NMNAT1: variants seen among roughly 807,000 people sequenced by gnomAD.
The protein encoded by NMNAT1 is nicotinamide nucleotide adenylyltransferase 1, also known as nicotinamide/nicotinic acid mononucleotide adenylyltransferase 1.
NMNAT1 carries 11 observed loss-of-function variants against 16.7 expected under a neutral mutation model. The observed-to-expected ratio is 0.66, with a 90% CI of 0.41 to 1.09. NMNAT1 has a LOEUF of 1.09. NMNAT1 is among the 50% of genes least tolerant of loss of function. The pLI, the probability that NMNAT1 is intolerant of heterozygous loss-of-function variation, is 0.00. For synonymous variants in NMNAT1, 110 were observed against 119.8 expected (o/e 0.92, Z 0.53); for missense variants, 280 against 332.3 (o/e 0.84, Z 1.22).
chr1:9,944,215 T>C (rs1640906922), intron 1 of NMNAT1, among the ~76,000 whole-genome samples: 2 of 151,786 alleles, frequency 1.3e-5, no homozygotes, highest in Non-Finnish European at 2.9e-5. Context: ...GATCGCGCCA[T>C]TGCACTCCAG....
intron 1 of NMNAT1, among the ~76,000 whole-genome samples, chr1:9,948,505 C>T (rs540556394): frequency 1.2e-4 from 18 of 152,020 alleles, no homozygotes; most frequent in African/African-American, 3.4e-4. Context: ...GGCTTGAGTC[C>T]GGGAGGTGGA....
intron 3 of NMNAT1, among the ~76,000 whole-genome samples, chr1:9,979,660 G>T (rs1641892909): frequency 6.6e-6 from 1 of 151,656 alleles, no homozygotes; most frequent in South Asian, 2.1e-4. Flanking sequence ...AAATTAGCCG[G>T]GCGTGGTGGT....
At chr1:9,964,816 C>T (rs1253895150) in intron 1 of NMNAT1, among the ~76,000 whole-genome samples, 15 of 148,992 alleles carry the variant, frequency 1.0e-4, no homozygotes, top group South Asian at 4.3e-4. Flanking sequence ...AGCATGGTGA[C>T]GCACACCTGT....
chr1:9,975,794 A>C lies in NMNAT1; in HGVS notation c.299+19A>C, dbSNP rs919763857. 6.3e-7 allele frequency: 1 copy of C among 1,592,878 alleles called. No homozygotes were observed. Among genetic ancestry groups the C allele is most frequent in the Non-Finnish European group, 8.6e-7 (1 of 1,166,060 alleles). ...TGCTAAGGTATTTATGGTGTAATCA[A>C]CTTTGTCAGTTCTGTGTAAATGGCT... On this transcript the variant is annotated intron_variant, in intron 3 of 4. Transcript: ENST00000377205.
chr1:9,990,241 G>C (rs568515969), downstream of NMNAT1, among the ~76,000 whole-genome samples: 129 of 152,270 alleles, frequency 8.5e-4, no homozygotes, highest in African/African-American at 2.9e-3. Flanking sequence ...GTGTAGGTTT[G>C]TAGGTGCTGT....
chr1:9,968,939 CAAAA>C (rs749269968), intron 1 of NMNAT1, among the ~76,000 whole-genome samples: 2 of 68,354 alleles, frequency 2.9e-5, no homozygotes, highest in Non-Finnish European at 3.0e-5. Flanking sequence ...GACTCTGTCT[CAAAA>C]AAAAAAAAAA....
At chr1:9,994,736 C>T in the NMNAT1 span, among the ~76,000 whole-genome samples, 36 of 152,058 alleles carry the variant, frequency 2.4e-4, no homozygotes, top group African/African-American at 8.0e-4. Context: ...CTCAGCCTCC[C>T]GAGTAGCTGG....
rs751253412 is a variant in NMNAT1 at position 9,975,547 on chromosome 1, A to G, written c.116-45A>G. On this transcript the variant is annotated intron_variant, in intron 2 of 4. Coordinates refer to ENST00000377205, the MANE Select transcript of NMNAT1 (RefSeq NM_022787.4). Reference sequence around the variant, plus strand: ...TGATCGTAATATTTCCTGTGCATAAAGTCTAATTTGTTATACCTAGTGTGA... The same window carrying G: ...TGATCGTAATATTTCCTGTGCATAAGGTCTAATTTGTTATACCTAGTGTGA... 3.7e-6 allele frequency: 5 copies of G among 1,367,308 alleles called. No individual in the cohort carries two copies. In the Admixed American group the frequency reaches 6.4e-5, roughly 17 times the overall value. 84.7% of individuals were successfully genotyped at this position (1,367,308 alleles called of 1,614,324 possible). A position where few individuals can be genotyped will look rare whatever the true frequency, so the allele number is the denominator to read the frequency against.
chr1:9,982,305 G>A lies in NMNAT1; in HGVS notation c.444G>A (p.Val148=). Residue 148 remains valine, a synonymous_variant, in exon 5 of 5, where the codon GTG becomes GTA. Coordinates refer to ENST00000377205, the MANE Select transcript of NMNAT1 (RefSeq NM_022787.4). ...GCTCTGTTTTATTCTTCCCAGCTGT[G>A]CCAAAGGTCAAGCTGCTGTGTGGGG... ...KKSLEPKTKA[V]PKVKLLCGAD... 1 of 1,610,018 alleles carries A rather than the reference G, an allele frequency of 6.2e-7. No homozygotes were observed. The highest frequency in any genetic ancestry group is 8.5e-7 in the Non-Finnish European group (1 of 1,177,506).
In NMNAT1 at chr1:9,982,933, C is replaced by T. The variant is rs1641979907; in HGVS notation, c.*232C>T. ...CCATCCTGGCCAATATGGTGAAACC[C>T]CATCTCTACTAAAAATACAAAAATT... On this transcript the variant is annotated 3_prime_UTR_variant, in exon 5 of 5. Transcript: ENST00000377205. 17 of 369,582 alleles carry T rather than the reference C, an allele frequency of 4.6e-5. 1 individual carries two copies. In the South Asian group the frequency reaches 5.1e-4, roughly 11 times the overall value. The allele number at this position is 369,582 out of a possible 1,614,324, so 22.9% of individuals were successfully genotyped here. A position where few individuals can be genotyped will look rare whatever the true frequency, so the allele number is the denominator to read the frequency against.
intron 1 of NMNAT1, among the ~76,000 whole-genome samples, chr1:9,944,073 T>C (rs1444422616): frequency 6.6e-6 from 1 of 151,540 alleles, no homozygotes; most frequent in Admixed American, 6.6e-5. Context: ...GCCAACATAG[T>C]GAAACCCCGT....
chr1:9,975,817 G>A (rs779849410), intron 3 of NMNAT1, 42 bp downstream of exon 3: 16 of 1,460,952 alleles, frequency 1.1e-5, no homozygotes, highest in Non-Finnish European at 1.5e-5. Context: ...TGTGTAAATG[G>A]CTAAGCGGCT....
At chr1:9,959,442 G>A (rs566322341) in intron 1 of NMNAT1, among the ~76,000 whole-genome samples, 7 of 148,428 alleles carry the variant, frequency 4.7e-5, no homozygotes, top group African/African-American at 1.7e-4. Context: ...TAGCACTTTG[G>A]GAGGCCAAAG....
At chr1:9,976,890 A>G (rs1048090899) in intron 3 of NMNAT1, among the ~76,000 whole-genome samples, 6 of 147,748 alleles carry the variant, frequency 4.1e-5, no homozygotes, top group African/African-American at 1.5e-4. Flanking sequence ...GCCTCCCAAC[A>G]CCTAATTATT....
At chr1:9,965,238 A>T (rs565741599) in intron 1 of NMNAT1, among the ~76,000 whole-genome samples, 1 of 134,760 alleles carries the variant, frequency 7.4e-6, no homozygotes, top group African/African-American at 2.8e-5. Context: ...AATCGCTTGA[A>T]CCCAGGAGGC....
chr1:9,979,190 G>A (rs950481490), intron 3 of NMNAT1, among the ~76,000 whole-genome samples: 2 of 152,156 alleles, frequency 1.3e-5, no homozygotes, highest in Admixed American at 6.6e-5. Flanking sequence ...TGTTCAGGCT[G>A]ATCATGGTGG....
intron 1 of NMNAT1, among the ~76,000 whole-genome samples, chr1:9,969,020 C>T (rs902534376): frequency 3.3e-5 from 5 of 151,842 alleles, no homozygotes; most frequent in Non-Finnish European, 7.4e-5. Context: ...AAGGTCATGC[C>T]GTTGGAGCTG....
chr1:9,983,119 A>G lies in NMNAT1; in HGVS notation c.*418A>G, dbSNP rs1213527952. On this transcript the variant is annotated 3_prime_UTR_variant, in exon 5 of 5. Transcript: ENST00000377205. Reference sequence around the variant, plus strand: ...GACTCTGTCTCAAAAAAAAAAAAAAATTTAGTAAAAATCAATGGTAAGCTA... The same window carrying G: ...GACTCTGTCTCAAAAAAAAAAAAAAGTTTAGTAAAAATCAATGGTAAGCTA... The G allele has an allele frequency of 2.0e-5, 3 of 151,910 alleles. No individual in the cohort carries two copies. The highest frequency in any genetic ancestry group is 2.9e-5 in the Non-Finnish European group (2 of 68,596). 9.4% of individuals were successfully genotyped at this position (151,910 alleles called of 1,614,324 possible).
intron 1 of NMNAT1, among the ~76,000 whole-genome samples, chr1:9,969,725 T>C (rs983284446): frequency 6.6e-6 from 1 of 152,118 alleles, no homozygotes; most frequent in African/African-American, 2.4e-5. Context: ...CACTCCAGCC[T>C]GGGTGAGAGA....
Sources: allele counts gnomAD v4.1 joint callset (sites outside exome capture counted in the v4.1 genomes callset), GRCh38; gene constraint gnomAD v4.1.1; transcripts MANE v1.5; gene names NCBI Gene and HGNC (gene_info 2026-07-23, HGNC 2026-07-21).